The following AFG2A variants were observed in gnomAD, a reference collection of about 807,000 sequenced individuals.
The protein encoded by AFG2A is AAA ATPase AFG2A, also known as ATPase family gene 2 protein homolog A.
At chr4:123,120,077 G>A in the AFG2A span, among the ~76,000 whole-genome samples, 2 of 151,912 alleles carry the variant, frequency 1.3e-5, no homozygotes, top group Admixed American at 6.6e-5. Context: ...ATGAGATTTG[G>A]GTGTGGACAC....
the AFG2A span, among the ~76,000 whole-genome samples, chr4:123,133,990 T>C: frequency 6.6e-6 from 1 of 152,192 alleles, no homozygotes; most frequent in Non-Finnish European, 1.5e-5. Flanking sequence ...TGATATTGAG[T>C]AGTTTGAGTT....
the AFG2A span, chr4:122,947,631 AT>A: frequency 9.1e-7 from 1 of 1,099,344 alleles, no homozygotes; most frequent in Non-Finnish European, 1.2e-6. Flanking sequence ...ATTTGAAAAA[AT>A]TTTTATTGGA....
At chr4:123,049,024 T>C in the AFG2A span, among the ~76,000 whole-genome samples, 1 of 152,176 alleles carries the variant, frequency 6.6e-6, no homozygotes, top group African/African-American at 2.4e-5. Context: ...TTTATCAGAT[T>C]GAAGTATGTT....
the AFG2A span, among the ~76,000 whole-genome samples, chr4:123,207,215 T>C: frequency 6.6e-6 from 1 of 152,080 alleles, no homozygotes; most frequent in Non-Finnish European, 1.5e-5. Context: ...TCCCCTCAAA[T>C]GTTAAGTCAC....
chr4:123,254,638 T>C, the AFG2A span, among the ~76,000 whole-genome samples: 1 of 152,206 alleles, frequency 6.6e-6, no homozygotes, highest in African/African-American at 2.4e-5. Flanking sequence ...AAATTCACTA[T>C]TTGAAATATT....
the AFG2A span, among the ~76,000 whole-genome samples, chr4:122,951,297 A>T: frequency 3.9e-5 from 6 of 152,126 alleles, no homozygotes; most frequent in African/African-American, 1.4e-4. Context: ...GAGGATGTAC[A>T]TAGGCTACAT....
chr4:123,015,729 C>T, the AFG2A span, among the ~76,000 whole-genome samples: 1 of 151,158 alleles, frequency 6.6e-6, no homozygotes, highest in East Asian at 2.0e-4. Flanking sequence ...GGTGGCTGGG[C>T]AGAGGGGCTC....
chr4:123,297,483 A>G, the AFG2A span, among the ~76,000 whole-genome samples: 109,862 of 152,106 alleles, frequency 0.72, 40,919 homozygotes, highest in Non-Finnish European at 0.81. Flanking sequence ...GCACTTTGGG[A>G]GGCCGAGGCT....
chr4:123,191,483 A>C, the AFG2A span, among the ~76,000 whole-genome samples: 1 of 152,154 alleles, frequency 6.6e-6, no homozygotes, highest in African/African-American at 2.4e-5. Flanking sequence ...CATGTGAGTG[A>C]GTAGATAGCC....
chr4:123,053,837 T>G, the AFG2A span, among the ~76,000 whole-genome samples: 2 of 152,178 alleles, frequency 1.3e-5, no homozygotes, highest in Non-Finnish European at 2.9e-5. Flanking sequence ...GTTCCTCTAC[T>G]GCACTGGGCG....
chr4:122,946,369 G>T, the AFG2A span, among the ~76,000 whole-genome samples: 3 of 152,176 alleles, frequency 2.0e-5, no homozygotes, highest in Admixed American at 1.3e-4. Context: ...TTTGGGCAAG[G>T]AATGGAAACA....
At chr4:123,074,054 CTT>C in the AFG2A span, among the ~76,000 whole-genome samples, 16 of 143,158 alleles carry the variant, frequency 1.1e-4, no homozygotes, top group Non-Finnish European at 1.7e-4. Context: ...TTCTTGATCT[CTT>C]TGATTTCTTT....
At chr4:122,998,674 G>C in the AFG2A span, among the ~76,000 whole-genome samples, 8 of 152,098 alleles carry the variant, frequency 5.3e-5, no homozygotes, top group Non-Finnish European at 1.0e-4. Flanking sequence ...GTATTCCATG[G>C]TGTATATGTG....
chr4:123,132,104 C>CA, the AFG2A span, among the ~76,000 whole-genome samples: 2 of 152,066 alleles, frequency 1.3e-5, no homozygotes, highest in Non-Finnish European at 2.9e-5. Context: ...TTTTCCCCCC[C>CA]AGATTTATTG....
chr4:123,020,279 A>G, the AFG2A span, among the ~76,000 whole-genome samples: 4 of 152,104 alleles, frequency 2.6e-5, no homozygotes, highest in Non-Finnish European at 5.9e-5. Context: ...TTTTCGTAAT[A>G]CCAAAAATTA....
the AFG2A span, among the ~76,000 whole-genome samples, chr4:123,305,209 C>G: frequency 6.6e-6 from 1 of 152,150 alleles, no homozygotes; most frequent in Non-Finnish European, 1.5e-5. Flanking sequence ...CACCTTCGGA[C>G]CTTTGTTACC....
At chr4:123,245,117 G>C in the AFG2A span, among the ~76,000 whole-genome samples, 3 of 152,238 alleles carry the variant, frequency 2.0e-5, no homozygotes, top group Non-Finnish European at 4.4e-5. Context: ...AATTAGAGAG[G>C]TGTGAAGAAT....
the AFG2A span, among the ~76,000 whole-genome samples, chr4:123,311,706 C>T: frequency 6.7e-6 from 1 of 150,108 alleles, no homozygotes; most frequent in Non-Finnish European, 1.5e-5. Context: ...AGTGATTCTG[C>T]AAAGAGGAAT....
chr4:123,264,598 A>G, the AFG2A span, among the ~76,000 whole-genome samples: 4 of 152,282 alleles, frequency 2.6e-5, no homozygotes, highest in African/African-American at 9.6e-5. Flanking sequence ...TCAGAGCAAA[A>G]ATCAGCATGT....
Sources: gnomAD v4.1 joint callset for allele counts (sites outside exome capture counted in the v4.1 genomes callset) on GRCh38, gnomAD v4.1.1 for gene constraint, MANE v1.5 for transcripts, NCBI Gene and HGNC (gene_info 2026-07-23, HGNC 2026-07-21) for gene names.